Variants in FYB2 observed in about 807,000 individuals in gnomAD.
FYB2 encodes FYN-binding protein 2.
Under a neutral mutation model 94.1 loss-of-function variants are expected in FYB2, and 103 were observed. The ratio of observed to expected loss-of-function variants is 1.09; its 90% CI spans 0.93 to 1.29. The LOEUF is 1.29. Ranked by LOEUF, FYB2 falls within the 50% of genes most tolerant of loss-of-function variation. FYB2 has a pLI of 0.00. For missense variants in FYB2, 896 were observed against 841.5 expected, an observed-to-expected ratio of 1.06 and a Z score of -0.80; for synonymous variants, 293 against 287.9, an observed-to-expected ratio of 1.02 and a Z score of -0.18.
intron 8 of FYB2, among the ~76,000 whole-genome samples, chr1:56,753,368 A>C (rs757281815): frequency 5.9e-5 from 9 of 152,102 alleles, no homozygotes; most frequent in Non-Finnish European, 1.3e-4. Context: ...ACTTTCTTGC[A>C]CATTATTTTA....
chr1:56,811,235 T>C (rs1486859618), intron 1 of FYB2, among the ~76,000 whole-genome samples: 1 of 152,222 alleles, frequency 6.6e-6, no homozygotes, highest in African/African-American at 2.4e-5. Flanking sequence ...ACACATTCTA[T>C]ACGAGTTTCT....
At chr1:56,790,234 T>C (rs1020427906) in intron 2 of FYB2, among the ~76,000 whole-genome samples, 42 of 152,202 alleles carry the variant, frequency 2.8e-4, no homozygotes, top group African/African-American at 9.9e-4. Context: ...CCTGCTCTCC[T>C]CCACAAGCTG....
chr1:56,728,517 T>C (rs1203568634), intron 15 of FYB2, among the ~76,000 whole-genome samples: 4 of 152,136 alleles, frequency 2.6e-5, no homozygotes, highest in Non-Finnish European at 5.9e-5. Context: ...GAAAAATATC[T>C]TGATAAAAAA....
At position 56,792,305 on chromosome 1, in the gene FYB2, C is replaced by A. The variant is rs760147629; in HGVS notation, c.508G>T (p.Glu170Ter). 5 of 1,613,936 alleles carry A rather than the reference C, an allele frequency of 3.1e-6. No homozygotes were observed. Among genetic ancestry groups the A allele is most frequent in the East Asian group, 4.5e-5 (2 of 44,864 alleles). ...ANYGSKAIHL[E>*]GQKGMGLTPE... ...GTAAGCCCCATGCCTTTTTGCCCTT[C>A]CAGATGGATGGCCTTACTTCCATAG... The change falls in exon 2 of 20, where the codon GAA becomes TAA. Residue 170 changes from glutamate (E) to a stop codon, truncating the protein, a stop_gained. Transcript: ENST00000343433. LOFTEE classifies it high-confidence loss of function.
At chr1:56,751,846 T>A (rs1444054463) in intron 8 of FYB2, among the ~76,000 whole-genome samples, 1 of 152,070 alleles carries the variant, frequency 6.6e-6, no homozygotes, top group East Asian at 1.9e-4. Context: ...AATTAGGGTA[T>A]AATGTGATGA....
intron 1 of FYB2, among the ~76,000 whole-genome samples, chr1:56,814,575 A>G (rs1646838725): frequency 2.0e-5 from 3 of 152,206 alleles, no homozygotes; most frequent in Non-Finnish European, 2.9e-5. Flanking sequence ...GCAGCATCTC[A>G]GCAAAGATGA....
Position 56,774,593 on chromosome 1 carries a change from A to T in FYB2, c.954-6655T>A, listed in dbSNP as rs112657399. Among the ~76,000 whole-genome samples, 567 of 152,236 alleles carry T rather than the reference A, an allele frequency of 3.7e-3. 5 individuals are homozygous for T. The highest frequency in any genetic ancestry group is 0.012 in the African/African-American group (487 of 41,540). ...ATTTGTGTATATATGTTTTTACATA[A>T]ATATACGTACATGTATACACGCATA... On this transcript the variant is annotated intron_variant, in intron 4 of 19. Transcript: ENST00000343433.
Position 56,726,592 on chromosome 1 carries a change from A to G in FYB2, c.1794-9T>C. 1 of 1,602,364 alleles carries G rather than the reference A, an allele frequency of 6.2e-7. No homozygotes were observed. The highest frequency in any genetic ancestry group is 8.5e-7 in the Non-Finnish European group (1 of 1,172,026). Reference sequence around the variant, plus strand: ...TCAGTTTATCTTCATCTCTGAGGAGAAATATATTTTGAGCAAGTAAATTAA... The same window carrying G: ...TCAGTTTATCTTCATCTCTGAGGAGGAATATATTTTGAGCAAGTAAATTAA... On this transcript the variant is annotated splice_polypyrimidine_tract_variant and intron_variant, in intron 15 of 19. Transcript: ENST00000343433.
intron 1 of FYB2, among the ~76,000 whole-genome samples, chr1:56,802,125 G>T (rs1289879247): frequency 6.6e-6 from 1 of 152,118 alleles, no homozygotes. Flanking sequence ...TCTCATGTAA[G>T]GCACTGCTTT....
At chr1:56,720,351 C>A in intron 17 of FYB2, 22 bp from the exon 18 acceptor site, 3 of 1,580,310 alleles carry the variant, frequency 1.9e-6, no homozygotes, top group South Asian at 1.2e-5. Context: ...AATTACTAAT[C>A]AGACCATTCT....
chr1:56,726,173 A>G (rs142986840), intron 16 of FYB2, among the ~76,000 whole-genome samples: 34 of 152,160 alleles, frequency 2.2e-4, no homozygotes, highest in African/African-American at 7.2e-4. Context: ...TTTACATTAT[A>G]TCTTAGAGAG....
At chr1:56,750,470 A>AC (rs1645169887) in intron 9 of FYB2, among the ~76,000 whole-genome samples, 1 of 151,976 alleles carries the variant, frequency 6.6e-6, no homozygotes, top group Non-Finnish European at 1.5e-5. Flanking sequence ...CCTGGATCCA[A>AC]CCATGGCTAG....
intron 5 of FYB2, among the ~76,000 whole-genome samples, chr1:56,765,222 A>G (rs778295757): frequency 1.1e-4 from 16 of 152,186 alleles, no homozygotes; most frequent in Non-Finnish European, 1.9e-4. Flanking sequence ...CTGACACTAC[A>G]AGGAGAGGGT....
chr1:56,733,020 G>A (rs533662664), intron 15 of FYB2, among the ~76,000 whole-genome samples: 1 of 151,786 alleles, frequency 6.6e-6, no homozygotes, highest in Non-Finnish European at 1.5e-5. Context: ...CACAGTAAAA[G>A]AAACAATCAA....
At chr1:56,744,910 A>G (rs1275863301) in intron 9 of FYB2, among the ~76,000 whole-genome samples, 2 of 152,026 alleles carry the variant, frequency 1.3e-5, no homozygotes, top group East Asian at 3.9e-4. Context: ...ATTCATAGCC[A>G]TATTCAGATA....
At chr1:56,787,663 C>T (rs1646163967) in intron 3 of FYB2, among the ~76,000 whole-genome samples, 2 of 152,082 alleles carry the variant, frequency 1.3e-5, no homozygotes, top group Non-Finnish European at 2.9e-5. Context: ...CAGTGGTATC[C>T]CCATTTTACA....
chr1:56,825,927 T>C, the FYB2 span, among the ~76,000 whole-genome samples: 1 of 152,172 alleles, frequency 6.6e-6, no homozygotes, highest in African/African-American at 2.4e-5. Context: ...ATCAAGCTCA[T>C]CCTCTTTCCT....
At chr1:56,731,221 G>T (rs1344569638) in intron 15 of FYB2, among the ~76,000 whole-genome samples, 1 of 152,134 alleles carries the variant, frequency 6.6e-6, no homozygotes, top group Non-Finnish European at 1.5e-5. Flanking sequence ...AGGGTAGGTG[G>T]CAGGAAAGAT....
chr1:56,727,174 T>C (rs1857150), intron 15 of FYB2, among the ~76,000 whole-genome samples: 19,284 of 152,108 alleles, frequency 0.13, 1,353 homozygotes, highest in African/African-American at 0.18. Context: ...AAGTAAGTAT[T>C]GCAACAATCC....
Sources: gnomAD v4.1 joint callset for allele counts (sites outside exome capture counted in the v4.1 genomes callset) on GRCh38, gnomAD v4.1.1 for gene constraint, MANE v1.5 for transcripts, NCBI Gene and HGNC (gene_info 2026-07-23, HGNC 2026-07-21) for gene names.